Variants in FSD1L observed in about 807,000 individuals in gnomAD.
FSD1L encodes the protein FSD1-like protein.
FSD1L carries 45 observed loss-of-function variants against 71.6 expected under a neutral mutation model. The observed-to-expected ratio is 0.63, with a 90% CI of 0.49 to 0.81. FSD1L has a LOEUF of 0.81. FSD1L is among the 30% of genes least tolerant of loss of function. The pLI, the probability that FSD1L is intolerant of heterozygous loss-of-function variation, is 0.00. For missense variants in FSD1L, 561 were observed against 618.1 expected, an observed-to-expected ratio of 0.91 and a Z score of 0.98; for synonymous variants, 197 against 207.2, an observed-to-expected ratio of 0.95 and a Z score of 0.42.
chr9:105,447,082 G>A (rs539374298), upstream of FSD1L, among the ~76,000 whole-genome samples: 29 of 152,116 alleles, frequency 1.9e-4, 1 homozygote, highest in African/African-American at 6.3e-4. Context: ...CTAGCAATTT[G>A]GGAGGCTGAG....
Position 105,461,558 on chromosome 9 carries a change from A to T in FSD1L, c.54A>T (p.Lys18Asn), listed in dbSNP as rs897687465. Residue 18 changes from lysine to asparagine, a missense_variant, in exon 2 of 14, where the codon AAA becomes AAT. By Grantham distance (94) the Lys-to-Asn change is moderately conservative. Transcript: ENST00000481272. ...AGAATGAAAACGTTACAGTTGATAA[A>T]GCCTGTTTTCTGATCTCTAACATCA... is the stretch of plus-strand genomic sequence containing the variant. ...FKENENVTVD[K>N]ACFLISNITI... 2.6e-6 allele frequency: 4 copies of T among 1,551,764 alleles called. No individual in the cohort carries two copies. The African/African-American group carries it at 5.5e-5, about 21-fold the overall frequency.
At chr9:105,453,044 GTTTTT>G (rs774826229) in intron 1 of FSD1L, among the ~76,000 whole-genome samples, 1 of 88,240 alleles carries the variant, frequency 1.1e-5, no homozygotes, top group Admixed American at 1.3e-4. Context: ...ACCTAAAGTT[GTTTTT>G]TTTTTTTTTT....
At chr9:105,501,774 T>C (rs1833779324) in intron 7 of FSD1L, among the ~76,000 whole-genome samples, 3 of 152,094 alleles carry the variant, frequency 2.0e-5, no homozygotes, top group African/African-American at 2.4e-5. Flanking sequence ...TTATTGGTCA[T>C]ACTTAGGTCC....
At chr9:105,496,202 CTT>C (rs542818608) in intron 7 of FSD1L, among the ~76,000 whole-genome samples, 1,554 of 113,106 alleles carry the variant, frequency 0.014, 14 homozygotes, top group African/African-American at 0.048. Context: ...ATGACTGTAG[CTT>C]TTTTTTTTTT....
chr9:105,469,406 T>C (rs1831291864), intron 4 of FSD1L, among the ~76,000 whole-genome samples: 1 of 152,024 alleles, frequency 6.6e-6, no homozygotes, highest in African/African-American at 2.4e-5. Flanking sequence ...TTCCAATTTC[T>C]TCATGTGCTT....
Position 105,541,512 on chromosome 9 carries a change from CTAATTA to C in FSD1L, c.1467+2164_1467+2169del, listed in dbSNP as rs138404539. ...ATTGTTTTTCATTCCAAATAATACT[CTAATTA>C]TATTAGTATATGTCATAAGATACTG... On this transcript the variant is annotated intron_variant, in intron 13 of 13. Coordinates refer to ENST00000481272, the MANE Select transcript of FSD1L (RefSeq NM_001145313.3). Among the ~76,000 whole-genome samples, 1,398 of 152,044 alleles carry C rather than the reference CTAATTA, an allele frequency of 9.2e-3. 19 individuals carry two copies. Among genetic ancestry groups the C allele is most frequent in the African/African-American group, 0.032 (1,339 of 41,486 alleles).
At chr9:105,522,142 A>G in intron 10 of FSD1L, 1 of 1,614,004 alleles carries the variant, frequency 6.2e-7, no homozygotes, top group East Asian at 2.2e-5. Flanking sequence ...GCCTGGATCA[A>G]AGCAAACCTA....
rs370863496 is a variant in FSD1L, at chr9:105,508,239, G to A, written c.797-378G>A. Among the ~76,000 whole-genome samples, 9 of 144,834 alleles carry A rather than the reference G, an allele frequency of 6.2e-5. No individual in the cohort carries two copies. In the East Asian group the frequency reaches 8.1e-4, roughly 13 times the overall value. On this transcript the variant is annotated intron_variant, in intron 8 of 13. Transcript: ENST00000481272. ...GTCGCCCAGACTGGTGTGCAGTGGC[G>A]CGATCTCAGCTAACTGCAAGCTCCG...
chr9:105,466,242 CAAAT>C (rs1310579396), intron 3 of FSD1L, among the ~76,000 whole-genome samples: 8 of 152,032 alleles, frequency 5.3e-5, no homozygotes, highest in South Asian at 4.1e-4. Context: ...TTTAAGAAGA[CAAAT>C]GAATGGAAAA....
intron 6 of FSD1L, among the ~76,000 whole-genome samples, chr9:105,480,896 T>C (rs1382827059): frequency 6.6e-6 from 1 of 152,202 alleles, no homozygotes; most frequent in African/African-American, 2.4e-5. Context: ...TACTTCCTAA[T>C]CATGACCTTG....
At chr9:105,530,589 C>T (rs1447548342) in intron 10 of FSD1L, 1 of 691,854 alleles carries the variant, frequency 1.4e-6, no homozygotes, top group South Asian at 1.6e-5. Context: ...AAATTTTTCT[C>T]TTTATTTGTA....
intron 10 of FSD1L, chr9:105,522,913 C>T: frequency 6.2e-7 from 1 of 1,611,568 alleles, no homozygotes; most frequent in Non-Finnish European, 8.5e-7. Flanking sequence ...ATTGATGACC[C>T]AGGTGTGCCC....
At chr9:105,479,955 T>A (rs1254616884) in intron 6 of FSD1L, among the ~76,000 whole-genome samples, 1 of 152,214 alleles carries the variant, frequency 6.6e-6, no homozygotes, top group Non-Finnish European at 1.5e-5. Context: ...AAGTTCTTTC[T>A]TATTGGTAGA....
intron 7 of FSD1L, among the ~76,000 whole-genome samples, chr9:105,503,854 C>T (rs1297143145): frequency 1.3e-5 from 2 of 152,134 alleles, no homozygotes; most frequent in Non-Finnish European, 2.9e-5. Flanking sequence ...ATATCTTTGT[C>T]CCTCCCACGT....
At chr9:105,493,063 TTC>T (rs1323666411) in intron 7 of FSD1L, among the ~76,000 whole-genome samples, 1 of 152,176 alleles carries the variant, frequency 6.6e-6, no homozygotes, top group Non-Finnish European at 1.5e-5. Context: ...CTTGTTAACT[TTC>T]TGTCTCGTTG....
chr9:105,489,754 T>C (rs943398212), intron 7 of FSD1L, among the ~76,000 whole-genome samples: 1 of 151,988 alleles, frequency 6.6e-6, no homozygotes, highest in Non-Finnish European at 1.5e-5. Context: ...GAATATGCGG[T>C]GTTAGGTTTT....
chr9:105,472,826 CTTTAA>C (rs1242579540), intron 5 of FSD1L: 1 of 152,150 alleles, frequency 6.6e-6, no homozygotes, highest in Non-Finnish European at 1.5e-5. Context: ...TAAAATTGAA[CTTTAA>C]TTGATTTCTT....
chr9:105,511,675 A>G (rs1001664185), intron 9 of FSD1L, among the ~76,000 whole-genome samples: 1 of 152,142 alleles, frequency 6.6e-6, no homozygotes, highest in African/African-American at 2.4e-5. Context: ...GTTGTTTCAT[A>G]AATAAAAAAC....
chr9:105,509,931 C>T (rs1255797064), intron 9 of FSD1L, among the ~76,000 whole-genome samples: 1 of 152,054 alleles, frequency 6.6e-6, no homozygotes, highest in Non-Finnish European at 1.5e-5. Flanking sequence ...TGTTTTTAGC[C>T]CATCAAGTAA....
Sources: gnomAD v4.1 joint callset for allele counts (sites outside exome capture counted in the v4.1 genomes callset) on GRCh38, gnomAD v4.1.1 for gene constraint, MANE v1.5 for transcripts, NCBI Gene and HGNC (gene_info 2026-07-23, HGNC 2026-07-21) for gene names.